The following TRAPPC12 variants were observed in gnomAD, a reference collection of about 807,000 sequenced individuals.
The protein encoded by TRAPPC12 is trafficking protein particle complex subunit 12, also known as TPR repeat protein 15.
A neutral mutation model predicts 69.2 loss-of-function variants in TRAPPC12; 61 were observed. That is an observed-to-expected ratio of 0.88 (90% confidence interval 0.72 to 1.09). The LOEUF (loss-of-function observed/expected upper bound fraction) is 1.09. TRAPPC12 is among the 50% of genes least tolerant of loss of function. TRAPPC12 has a pLI of 0.00. For missense variants in TRAPPC12, 1,101 were observed against 1,016.4 expected, an observed-to-expected ratio of 1.08 and a Z score of -1.13; for synonymous variants, 469 against 438.9, an observed-to-expected ratio of 1.07 and a Z score of -0.86.
intron 9 of TRAPPC12, among the ~76,000 whole-genome samples, chr2:3,473,322 C>A (rs1312953409): frequency 6.6e-6 from 1 of 152,202 alleles, no homozygotes; most frequent in Non-Finnish European, 1.5e-5. Context: ...TAGATCGCAT[C>A]TTTCTTTTAT....
chr2:3,470,330 G>A (rs1021369787), intron 9 of TRAPPC12, among the ~76,000 whole-genome samples: 7 of 152,372 alleles, frequency 4.6e-5, no homozygotes, highest in East Asian at 3.9e-4. Flanking sequence ...AGGGACCCAC[G>A]CCAAAAGGCC....
At chr2:3,384,215 C>T (rs1261658443) in intron 1 of TRAPPC12, among the ~76,000 whole-genome samples, 1 of 152,036 alleles carries the variant, frequency 6.6e-6, no homozygotes, top group Non-Finnish European at 1.5e-5. Context: ...AGTCTTTATA[C>T]CATAGATTTT....
In TRAPPC12 at chr2:3,460,250, TCTTAC is replaced by T; in HGVS notation, c.1604-9_1604-5del. On this transcript the variant is annotated splice_polypyrimidine_tract_variant and splice_region_variant and intron_variant, in intron 7 of 11. Coordinates refer to ENST00000324266, the MANE Select transcript of TRAPPC12 (RefSeq NM_016030.6). ...ATTTATTTGTGCACTTACAGGCTGC[TCTTAC>T]CTTGTAGCCTCTATCCGGCTGTGGA... The T allele has an allele frequency of 2.3e-6, 2 of 873,174 alleles. No homozygotes were observed. The highest frequency in any genetic ancestry group is 4.0e-6 in the Non-Finnish European group (2 of 501,798). 54.1% of individuals were successfully genotyped at this position (873,174 alleles called of 1,614,324 possible). A position where few individuals can be genotyped will look rare whatever the true frequency, so the allele number is the denominator to read the frequency against.
chr2:3,409,691 A>C (rs1661933517), intron 3 of TRAPPC12, among the ~76,000 whole-genome samples: 1 of 142,746 alleles, frequency 7.0e-6, no homozygotes. Context: ...TGGAGGCTGC[A>C]GTGAGCCCTG....
intron 3 of TRAPPC12, among the ~76,000 whole-genome samples, chr2:3,419,038 C>T (rs1662616234): frequency 6.6e-6 from 1 of 152,206 alleles, no homozygotes; most frequent in Non-Finnish European, 1.5e-5. Flanking sequence ...GCCCTCTGCT[C>T]CCTGTGCCCC....
chr2:3,436,559 A>G (rs567365911), intron 5 of TRAPPC12, among the ~76,000 whole-genome samples: 581 of 152,182 alleles, frequency 3.8e-3, no homozygotes, highest in Middle Eastern at 0.01. Flanking sequence ...AACTTTTATT[A>G]TAATTGATAA....
rs757624679 is a variant in TRAPPC12 at position 3,422,029 on chromosome 2, GGC to G, written c.1278+36_1278+37del. ...CCTTTCAGGTGCTGGAGTTTAACCT[GGC>G]TTATCACAGTCTGGGGACATGGACA... On this transcript the variant is annotated intron_variant, in intron 4 of 11. Transcript: ENST00000324266. 4 of 1,531,224 alleles carry G rather than the reference GGC, an allele frequency of 2.6e-6. No individual in the cohort carries two copies. In the East Asian group the frequency reaches 9.5e-5, roughly 36 times the overall value. 94.9% of individuals were successfully genotyped at this position (1,531,224 alleles called of 1,614,324 possible). A position where few individuals can be genotyped will look rare whatever the true frequency, so the allele number is the denominator to read the frequency against.
chr2:3,423,410 A>G (rs1662928536), intron 4 of TRAPPC12, among the ~76,000 whole-genome samples: 1 of 151,784 alleles, frequency 6.6e-6, no homozygotes, highest in Non-Finnish European at 1.5e-5. Flanking sequence ...TAACTGTGTC[A>G]CCACGTCTAC....
chr2:3,404,285 C>T (rs1661609443), intron 3 of TRAPPC12, among the ~76,000 whole-genome samples: 1 of 152,178 alleles, frequency 6.6e-6, no homozygotes, highest in South Asian at 2.1e-4. Context: ...TTCTCTTTGA[C>T]TTTCTACTTT....
At chr2:3,478,746 A>G in intron 10 of TRAPPC12, 100 bp from the exon 11 acceptor site, 1 of 1,019,130 alleles carries the variant, frequency 9.8e-7, no homozygotes, top group Non-Finnish European at 1.5e-6. Flanking sequence ...ACAGGGCCAT[A>G]CGCTGGGTCT....
intron 5 of TRAPPC12, among the ~76,000 whole-genome samples, chr2:3,430,125 T>C (rs534961703): frequency 5.9e-5 from 9 of 152,276 alleles, no homozygotes; most frequent in Admixed American, 2.0e-4. Context: ...TGCTTTTTTT[T>C]CCCCACTTTC....
intron 8 of TRAPPC12, 42 bp downstream of exon 8, chr2:3,460,378 A>G: frequency 1.2e-6 from 1 of 853,948 alleles, no homozygotes. Flanking sequence ...GATCTGGAAG[A>G]GCGGGGTCAG....
intron 1 of TRAPPC12, among the ~76,000 whole-genome samples, chr2:3,381,843 G>C (rs924973741): frequency 1.3e-5 from 2 of 152,082 alleles, no homozygotes; most frequent in Admixed American, 6.5e-5. Context: ...CTATATCCTG[G>C]CTTTTCTTTG....
At chr2:3,462,890 C>T in intron 8 of TRAPPC12, 1 of 471,020 alleles carries the variant, frequency 2.1e-6, no homozygotes, top group Non-Finnish European at 4.4e-6. Flanking sequence ...CCCGCCGTGG[C>T]TCCGCACATG....
Position 3,388,343 on chromosome 2 carries a change from G to A in TRAPPC12, c.720G>A (p.Ala240=). The A allele has an allele frequency of 6.3e-7, 1 of 1,586,834 alleles. No homozygotes were observed. The highest frequency in any genetic ancestry group is 8.6e-7 in the Non-Finnish European group (1 of 1,168,368). ...TCATTTCCGTCAGCAATCCCGGCGC[G>A]GGCTCCCCGGCCCCCGCCAGCCCGC... ...SAFISVSNPG[A]GSPAPASPPP... Residue 240 remains alanine (A), a synonymous_variant, in exon 2 of 12, where the codon GCG becomes GCA. Transcript: ENST00000324266.
At chr2:3,396,404 A>C (rs1244206047) in intron 2 of TRAPPC12, among the ~76,000 whole-genome samples, 1 of 152,062 alleles carries the variant, frequency 6.6e-6, no homozygotes, top group Non-Finnish European at 1.5e-5. Flanking sequence ...GTTTTTCAGC[A>C]GTTTGGTTCT....
chr2:3,409,769 A>ATTTTTTTTTTTTTTTTTTTTTTT (rs1325184612), intron 3 of TRAPPC12, among the ~76,000 whole-genome samples: 4 of 149,730 alleles, frequency 2.7e-5, no homozygotes, highest in Admixed American at 6.6e-5. Flanking sequence ...AAAAAAAAAA[A>ATTTTTTTTTTTTTTTTTTTTTTT]AAAAAAAAAG....
chr2:3,448,779 G>C (rs1425649573), intron 6 of TRAPPC12, among the ~76,000 whole-genome samples: 1 of 152,200 alleles, frequency 6.6e-6, no homozygotes, highest in Non-Finnish European at 1.5e-5. Context: ...ACACGAGGGC[G>C]GAGGGCGTGT....
In TRAPPC12 at chr2:3,388,547, C is replaced by T. The variant is rs1660636038; in HGVS notation, c.924C>T (p.Asp308=). ...LSMSEMDRRN[D]AWLPGEATRG... ...TGAGCGAGATGGACCGGAGGAACGA[C>T]GCCTGGCTTCCCGGCGAGGCTACGC... Residue 308 remains aspartate (D), a synonymous_variant, in exon 2 of 12, where the codon GAC becomes GAT. Transcript: ENST00000324266. The T allele has an allele frequency of 1.2e-6, 2 of 1,613,120 alleles. No individual in the cohort carries two copies. The highest frequency in any genetic ancestry group is 1.7e-5 in the Admixed American group (1 of 59,988).
Sources: gnomAD v4.1 joint callset for allele counts (sites outside exome capture counted in the v4.1 genomes callset) on GRCh38, gnomAD v4.1.1 for gene constraint, MANE v1.5 for transcripts, NCBI Gene and HGNC (gene_info 2026-07-23, HGNC 2026-07-21) for gene names.